The following CSMD1 variants were observed in gnomAD, a reference collection of about 807,000 sequenced individuals.
CSMD1 encodes the protein CUB and sushi domain-containing protein 1.
CSMD1 carries 213 observed loss-of-function variants against 417.5 expected under a neutral mutation model. The observed-to-expected ratio is 0.51, with a 90% CI of 0.46 to 0.57. The LOEUF (loss-of-function observed/expected upper bound fraction) is 0.57, where lower values mean the gene tolerates loss of function less well. CSMD1 is among the 20% of genes least tolerant of loss of function. The probability of loss-of-function intolerance (pLI) is 0.00; values close to 1 mark genes in which losing one functional copy is unlikely to be tolerated. For missense variants in CSMD1, 6,923 were observed against 4,529.7 expected, an observed-to-expected ratio of 1.53 and a Z score of -15.17; for synonymous variants, 2,862 against 1,736.8, an observed-to-expected ratio of 1.65 and a Z score of -16.11.
Position 4,351,949 on chromosome 8 carries a change from AT to A in CSMD1, c.415+68003del, listed in dbSNP as rs33935906. ...TTCAAGGTAACATTGCCTTTATGCT[AT>A]TTTTTTTTTTTTTTCAGAAAAAAAA... On this transcript the variant is annotated intron_variant, in intron 3 of 69. Coordinates refer to ENST00000635120, the MANE Select transcript of CSMD1 (RefSeq NM_033225.6). Among the ~76,000 whole-genome samples, 1,206 of 141,674 alleles carry A rather than the reference AT, an allele frequency of 8.5e-3. 14 individuals carry two copies. The highest frequency in any genetic ancestry group is 0.025 in the African/African-American group (941 of 38,166). The allele number at this position is 141,674 out of a possible 152,430, so 92.9% of individuals were successfully genotyped here.
At chr8:3,446,014 A>G (rs1014067130) in intron 12 of CSMD1, among the ~76,000 whole-genome samples, 1 of 152,176 alleles carries the variant, frequency 6.6e-6, no homozygotes, top group Admixed American at 6.5e-5. Flanking sequence ...AGTCAAAAAT[A>G]CTGTCCCGGG....
At position 4,125,702 on chromosome 8, in the gene CSMD1, A is replaced by C. The variant is rs987281049; in HGVS notation, c.416-93603T>G. 3.9e-5 allele frequency among the ~76,000 whole-genome samples: 6 copies of C among 152,166 alleles called. No homozygotes were observed. In the South Asian group the frequency reaches 1.2e-3, roughly 31 times the overall value. On this transcript the variant is annotated intron_variant, in intron 3 of 69. Transcript: ENST00000635120. The stretch of plus-strand genomic sequence containing the variant: ...CTTGTTCATTCCTGGGCATAGGCTG[A>C]ACTAAATTTGCGAAGGAATTCAGTT...
At chr8:3,849,112 G>C (rs1232537804) in intron 5 of CSMD1, among the ~76,000 whole-genome samples, 1 of 152,038 alleles carries the variant, frequency 6.6e-6, no homozygotes, top group African/African-American at 2.4e-5. Flanking sequence ...GTAACAGAAA[G>C]TTACACTGAA....
intron 12 of CSMD1, among the ~76,000 whole-genome samples, chr8:3,440,048 T>A (rs1480676293): frequency 1.3e-5 from 2 of 152,220 alleles, no homozygotes; most frequent in Non-Finnish European, 2.9e-5. Flanking sequence ...ATGGTCTTGA[T>A]TACTGGAGCT....
At chr8:3,117,425 T>A (rs765779890) in intron 42 of CSMD1, among the ~76,000 whole-genome samples, 2 of 152,226 alleles carry the variant, frequency 1.3e-5, no homozygotes, top group Non-Finnish European at 2.9e-5. Flanking sequence ...CTTCTTTTAC[T>A]TCTTCAGTAG....
intron 41 of CSMD1, among the ~76,000 whole-genome samples, chr8:3,129,180 C>A (rs1236404920): frequency 6.6e-6 from 1 of 152,086 alleles, no homozygotes; most frequent in East Asian, 1.9e-4. Context: ...ACAAATATTT[C>A]CAGACTCTGC....
intron 54 of CSMD1, among the ~76,000 whole-genome samples, chr8:2,987,420 A>T (rs1806016909): frequency 6.7e-6 from 1 of 148,440 alleles, no homozygotes; most frequent in African/African-American, 2.4e-5. Flanking sequence ...TATATAATAT[A>T]TACATAAATA....
At chr8:3,621,741 A>G (rs1796251066) in intron 7 of CSMD1, among the ~76,000 whole-genome samples, 1 of 151,540 alleles carries the variant, frequency 6.6e-6, no homozygotes. Flanking sequence ...CACCACTCCC[A>G]GCTAATGTTT....
Position 4,820,440 on chromosome 8 carries a change from C to G in CSMD1, c.85+173892G>C, listed in dbSNP as rs545302356. 3.3e-5 allele frequency among the ~76,000 whole-genome samples: 5 copies of G among 152,196 alleles called. No individual in the cohort carries two copies. The East Asian group carries it at 9.7e-4, about 29-fold the overall frequency. ...ACACGAGAGCAAGATTAAATAGTAG[C>G]CATTTCTGCACTGGTTTTCCTGTCA... On this transcript the variant is annotated intron_variant, in intron 1 of 69. Transcript: ENST00000635120.
rs1037754324 is a variant in CSMD1, at chr8:3,640,854, C to CT, written c.1010-24058dup. Among the ~76,000 whole-genome samples, 151 of 147,506 alleles carry CT rather than the reference C, an allele frequency of 1.0e-3. 1 individual carries two copies. Among genetic ancestry groups the CT allele is most frequent in the East Asian group, 7.7e-3 (39 of 5,052 alleles). On this transcript the variant is annotated intron_variant, in intron 7 of 69. Coordinates refer to ENST00000635120, the MANE Select transcript of CSMD1 (RefSeq NM_033225.6). ...TAGTCCATGGAATCTTACCTCACTA[C>CT]TTTTTTTTTTATTGTTAATGATGTC...
intron 10 of CSMD1, among the ~76,000 whole-genome samples, chr8:3,496,346 C>T (rs1329737539): frequency 6.6e-6 from 1 of 152,174 alleles, no homozygotes; most frequent in African/African-American, 2.4e-5. Flanking sequence ...GCAGAGCTCC[C>T]TGTAAGGATT....
intron 1 of CSMD1, 129 bp downstream of exon 1, chr8:4,994,203 G>A (rs1359840512): frequency 2.2e-5 from 17 of 769,222 alleles, no homozygotes; most frequent in Non-Finnish European, 3.3e-5. Context: ...CCCGAGCTTC[G>A]GCGATGGAGC....
chr8:4,280,736 C>G (rs1489965474), intron 3 of CSMD1, among the ~76,000 whole-genome samples: 3 of 152,164 alleles, frequency 2.0e-5, no homozygotes, highest in African/African-American at 7.2e-5. Flanking sequence ...TATAATTGTA[C>G]TTTCCTAGTA....
intron 5 of CSMD1, among the ~76,000 whole-genome samples, chr8:3,974,290 G>C (rs71521895): frequency 0.044 from 6,695 of 151,624 alleles, 168 homozygotes; most frequent in East Asian, 0.093. Flanking sequence ...TATAAATCTA[G>C]TATTCTTTTT....
chr8:3,870,365 G>T (rs978018701), intron 5 of CSMD1, among the ~76,000 whole-genome samples: 2 of 152,060 alleles, frequency 1.3e-5, no homozygotes, highest in African/African-American at 4.8e-5. Context: ...AAAGACCAGT[G>T]CCTTATGGAT....
rs536942164 is a variant in CSMD1, at chr8:3,470,820, A to G, written c.1449-1996T>C. 3.9e-5 allele frequency among the ~76,000 whole-genome samples: 6 copies of G among 152,288 alleles called. No homozygotes were observed. In the East Asian group the frequency reaches 9.7e-4, roughly 25 times the overall value. On this transcript the variant is annotated intron_variant, in intron 11 of 69. Transcript: ENST00000635120. ...GATTTTACTTAGCTTAATTCCTGGAAGATTTATCCCAGTTGTTGTTTATAC... is the reference window on the plus strand; with the variant it reads ...GATTTTACTTAGCTTAATTCCTGGAGGATTTATCCCAGTTGTTGTTTATAC...
chr8:4,444,461 TGAGG>T (rs1490114673), intron 2 of CSMD1, among the ~76,000 whole-genome samples: 12 of 149,540 alleles, frequency 8.0e-5, no homozygotes, highest in African/African-American at 2.7e-4. Context: ...GAAAACCACC[TGAGG>T]AAGACATAAG....
chr8:3,719,747 G>A (rs958127281), intron 6 of CSMD1, among the ~76,000 whole-genome samples: 1 of 152,130 alleles, frequency 6.6e-6, no homozygotes, highest in Non-Finnish European at 1.5e-5. Flanking sequence ...TATACTGGCT[G>A]CTTTCCATTC....
rs777412234 is a variant in CSMD1 at position 3,214,728 on chromosome 8, G to C, written c.4673-37C>G. Reference sequence around the variant, plus strand: ...ATGAATGTAAACTGCATGAGAGCAGGGATCTTATTCTTGTTTGTGTTTTTG... The same window carrying C: ...ATGAATGTAAACTGCATGAGAGCAGCGATCTTATTCTTGTTTGTGTTTTTG... On this transcript the variant is annotated intron_variant, in intron 29 of 69. Coordinates refer to ENST00000635120, the MANE Select transcript of CSMD1 (RefSeq NM_033225.6). The C allele has an allele frequency of 8.7e-6, 13 of 1,486,234 alleles. No individual in the cohort carries two copies. The South Asian group carries it at 1.6e-4, about 18-fold the overall frequency. The allele number at this position is 1,486,234 out of a possible 1,614,324, so 92.1% of individuals were successfully genotyped here. A position where few individuals can be genotyped will look rare whatever the true frequency, so the allele number is the denominator to read the frequency against.
Sources: gnomAD v4.1 joint callset for allele counts (sites outside exome capture counted in the v4.1 genomes callset) on GRCh38, gnomAD v4.1.1 for gene constraint, MANE v1.5 for transcripts, NCBI Gene and HGNC (gene_info 2026-07-23, HGNC 2026-07-21) for gene names.